Variants in STK10 observed in about 807,000 individuals in gnomAD.
STK10 encodes serine/threonine kinase 10, also known as serine/threonine-protein kinase 10.
A neutral mutation model predicts 113.8 loss-of-function variants in STK10; 78 were observed. The observed-to-expected ratio is 0.69, with a 90% CI of 0.57 to 0.83. The LOEUF (loss-of-function observed/expected upper bound fraction) is 0.83. STK10 is among the 40% of genes least tolerant of loss of function. The pLI is 0.00. For missense variants in STK10, 1,109 were observed against 1,280.1 expected, an observed-to-expected ratio of 0.87 and a Z score of 2.04; for synonymous variants, 465 against 494.7, an observed-to-expected ratio of 0.94 and a Z score of 0.80.
chr5:172,073,363 G>T (rs1273368358), intron 12 of STK10, among the ~76,000 whole-genome samples: 1 of 152,042 alleles, frequency 6.6e-6, no homozygotes, highest in Non-Finnish European at 1.5e-5. Context: ...TGTTGACCAG[G>T]CTGGTCTTGA....
chr5:172,105,883 C>T (rs3111482), intron 6 of STK10, 146 bp from the exon 7 acceptor site: 82,875 of 676,164 alleles, frequency 0.12, 5,796 homozygotes, highest in African/African-American at 0.24. Flanking sequence ...GCCTACACGA[C>T]GCCCTTTTCA....
chr5:172,187,136 C>G lies in STK10; in HGVS notation c.156+751G>C, dbSNP rs1042081184. ...GGAGCAGAAACCAACGTCCTGCTGCCACACTTCTCTAGACTCAATCAGCTC... is the reference window on the plus strand; with the variant it reads ...GGAGCAGAAACCAACGTCCTGCTGCGACACTTCTCTAGACTCAATCAGCTC... On this transcript the variant is annotated intron_variant, in intron 1 of 18. Coordinates refer to ENST00000176763, the MANE Select transcript of STK10 (RefSeq NM_005990.4). The surrounding 1 kb of genome is among the most constrained non-coding windows in gnomAD (Gnocchi z 4.6). Among the ~76,000 whole-genome samples the G allele has an allele frequency of 6.6e-6, 1 of 152,162 alleles. No individual in the cohort carries two copies. The highest frequency in any genetic ancestry group is 2.4e-5 in the African/African-American group (1 of 41,438).
chr5:172,176,073 A>C (rs191779529), intron 1 of STK10, among the ~76,000 whole-genome samples: 1 of 152,362 alleles, frequency 6.6e-6, no homozygotes, highest in African/African-American at 2.4e-5. Flanking sequence ...GACTTCTTCC[A>C]GTGTCCTAGA....
chr5:172,167,536 G>A (rs774693508), intron 1 of STK10, among the ~76,000 whole-genome samples: 1 of 152,168 alleles, frequency 6.6e-6, no homozygotes, highest in Non-Finnish European at 1.5e-5. Flanking sequence ...CCCAGCGAGG[G>A]CAGACTGGGA....
intron 17 of STK10, among the ~76,000 whole-genome samples, chr5:172,053,467 C>A (rs958017111): frequency 6.6e-6 from 1 of 152,196 alleles, no homozygotes; most frequent in African/African-American, 2.4e-5. Flanking sequence ...CTAAGATACT[C>A]TGTATGTCTC....
At chr5:172,105,568 G>A (rs1769081713) in intron 7 of STK10, 88 bp downstream of exon 7, 3 of 1,367,926 alleles carry the variant, frequency 2.2e-6, no homozygotes, top group Admixed American at 3.4e-5. Context: ...TCCCTGGGCG[G>A]GGTGAGAACA....
At chr5:172,112,274 A>G (rs1769252318) in intron 4 of STK10, among the ~76,000 whole-genome samples, 1 of 152,198 alleles carries the variant, frequency 6.6e-6, no homozygotes, top group African/African-American at 2.4e-5. Flanking sequence ...TAAAGGAATA[A>G]TATATGCATC....
At chr5:172,121,743 T>C (rs906509190) in intron 3 of STK10, among the ~76,000 whole-genome samples, 3 of 152,130 alleles carry the variant, frequency 2.0e-5, no homozygotes, top group Admixed American at 6.5e-5. Context: ...ATTTTTTGTT[T>C]TTTGGAGACA....
chr5:172,181,430 G>A (rs1011914985), intron 1 of STK10, among the ~76,000 whole-genome samples: 17 of 151,668 alleles, frequency 1.1e-4, no homozygotes, highest in African/African-American at 3.6e-4. Flanking sequence ...CTTCTATTAC[G>A]TATTACGTAA....
At chr5:172,179,460 G>A (rs1300216760) in intron 1 of STK10, among the ~76,000 whole-genome samples, 2 of 152,172 alleles carry the variant, frequency 1.3e-5, no homozygotes, top group Non-Finnish European at 2.9e-5. Context: ...GGTAACCTTG[G>A]CAGGCCAGGC....
intron 12 of STK10, among the ~76,000 whole-genome samples, chr5:172,069,521 GCTGAGGAGGATCA>G (rs1768134216): frequency 6.6e-6 from 1 of 152,164 alleles, no homozygotes; most frequent in Admixed American, 6.5e-5. Context: ...AGTCTAGGAG[GCTGAGGAGGATCA>G]CTTGAGCCCA....
rs1258521767 is a variant in STK10 at position 172,093,235 on chromosome 5, T to A, written c.1554+177A>T. 6.6e-6 allele frequency among the ~76,000 whole-genome samples: 1 copy of A among 152,216 alleles called. No homozygotes were observed. Among genetic ancestry groups the A allele is most frequent in the Non-Finnish European group, 1.5e-5 (1 of 68,040 alleles). ...ACCCAAACCAACTGCTTTACATTCCTAAATCCCATATTGAACCCAGATATT... is the reference window on the plus strand; with the variant it reads ...ACCCAAACCAACTGCTTTACATTCCAAAATCCCATATTGAACCCAGATATT... On this transcript the variant is annotated intron_variant, in intron 9 of 18. Coordinates refer to ENST00000176763, the MANE Select transcript of STK10 (RefSeq NM_005990.4). The surrounding 1 kb of genome is among the most constrained non-coding windows in gnomAD (Gnocchi z 4.1).
In STK10 at chr5:172,166,697, A is replaced by C. The variant is rs143271149; in HGVS notation, c.157-9909T>G. 5.8e-4 allele frequency among the ~76,000 whole-genome samples: 89 copies of C among 152,358 alleles called. 1 individual carries two copies. Among genetic ancestry groups the C allele is most frequent in the Middle Eastern group, 6.8e-3 (2 of 294 alleles). On this transcript the variant is annotated intron_variant, in intron 1 of 18. Transcript: ENST00000176763. Reference sequence around the variant, plus strand: ...TTAGCAAAAACATGCAATTGTGACAACCCAGCACTGGAGACGATGTAGTAA... The same window carrying C: ...TTAGCAAAAACATGCAATTGTGACACCCCAGCACTGGAGACGATGTAGTAA...
At chr5:172,151,592 C>T (rs1423970067) in intron 2 of STK10, among the ~76,000 whole-genome samples, 1 of 152,222 alleles carries the variant, frequency 6.6e-6, no homozygotes, top group Non-Finnish European at 1.5e-5. Flanking sequence ...GATCCACCCA[C>T]CTCGGCCTCC....
rs1023410145 is a variant in STK10, at chr5:172,108,888, G to A, written c.521-1036C>T. On this transcript the variant is annotated intron_variant, in intron 4 of 18. Coordinates refer to ENST00000176763, the MANE Select transcript of STK10 (RefSeq NM_005990.4). ...TAACCTCCACCTCCCGGGTTCCAGC[G>A]ATTCTTGTGCCTCAGCCTCCCAAGT... 2.6e-5 allele frequency among the ~76,000 whole-genome samples: 4 copies of A among 151,720 alleles called. No homozygotes were observed. The East Asian group carries it at 5.9e-4, about 22-fold the overall frequency.
At chr5:172,174,685 C>T (rs982726755) in intron 1 of STK10, among the ~76,000 whole-genome samples, 1 of 152,052 alleles carries the variant, frequency 6.6e-6, no homozygotes. Flanking sequence ...GAGCGGTGGT[C>T]GGGACAGGCC....
In STK10 at chr5:172,042,447, A is replaced by C. The variant is rs1767398206; in HGVS notation, c.*2435T>G. ...GAGCGGGGACGCGGCAACTCCTTGA[A>C]GGGCAAAAGTGATGTGAAGGACGAG... is the stretch of plus-strand genomic sequence containing the variant. On this transcript the variant is annotated 3_prime_UTR_variant, in exon 19 of 19. Coordinates refer to ENST00000176763, the MANE Select transcript of STK10 (RefSeq NM_005990.4). 6.5e-6 allele frequency: 1 copy of C among 152,684 alleles called. No homozygotes were observed. The highest frequency in any genetic ancestry group is 1.5e-5 in the Non-Finnish European group (1 of 68,058). The allele number at this position is 152,684 out of a possible 1,614,324, so 9.5% of individuals were successfully genotyped here. A position where few individuals can be genotyped will look rare whatever the true frequency, so the allele number is the denominator to read the frequency against.
In STK10 at chr5:172,093,285, C is replaced by T; in HGVS notation, c.1554+127G>A. 9.7e-7 allele frequency: 1 copy of T among 1,030,372 alleles called. No individual in the cohort carries two copies. The highest frequency in any genetic ancestry group is 2.5e-5 in the East Asian group (1 of 40,590). The allele number at this position is 1,030,372 out of a possible 1,614,324, so 63.8% of individuals were successfully genotyped here. ...TTTGGAGATTAAACTATGAGTCAAA[C>T]CCAAAACCCCCTAATGAACCACTTA... On this transcript the variant is annotated intron_variant, in intron 9 of 18. Transcript: ENST00000176763. The surrounding 1 kb of genome is among the most constrained non-coding windows in gnomAD (Gnocchi z 4.1).
At chr5:172,105,350 T>C (rs1365266001) in intron 7 of STK10, among the ~76,000 whole-genome samples, 4 of 151,992 alleles carry the variant, frequency 2.6e-5, no homozygotes, top group Admixed American at 1.3e-4. Context: ...GCCCCACCCC[T>C]GCACTGTGGA....
Sources: gnomAD v4.1 joint callset for allele counts (sites outside exome capture counted in the v4.1 genomes callset) on GRCh38, gnomAD v4.1.1 for gene constraint, Gnocchi (gnomAD v3.1) non-coding constraint, MANE v1.5 for transcripts, NCBI Gene and HGNC (gene_info 2026-07-23, HGNC 2026-07-21) for gene names.